SLC24A3: variants seen among roughly 807,000 people sequenced by gnomAD.
The protein encoded by SLC24A3 is solute carrier family 24 member 3.
SLC24A3 carries 28 observed loss-of-function variants against 75.8 expected under a neutral mutation model. That is an observed-to-expected ratio of 0.37 (90% confidence interval 0.27 to 0.51). SLC24A3 has a LOEUF of 0.51. SLC24A3 is among the 20% of genes least tolerant of loss of function. SLC24A3 has a pLI of 0.94. For missense variants in SLC24A3, 663 were observed against 847.8 expected (o/e 0.78, Z 2.71); for synonymous variants, 372 against 334.1 (o/e 1.11, Z -1.24).
intron 2 of SLC24A3, among the ~76,000 whole-genome samples, chr20:19,503,028 G>GAA (rs11476234): frequency 6.4e-5 from 7 of 109,596 alleles, no homozygotes; most frequent in African/African-American, 6.6e-5. Flanking sequence ...CCTTGTCTCA[G>GAA]AAAAAAAAAA....
chr20:19,277,686 C>T (rs1021984146), intron 1 of SLC24A3, among the ~76,000 whole-genome samples: 2 of 152,154 alleles, frequency 1.3e-5, no homozygotes, highest in Non-Finnish European at 2.9e-5. Context: ...AGAGGTGCTG[C>T]CTTAAGAGTC....
intron 2 of SLC24A3, among the ~76,000 whole-genome samples, chr20:19,484,503 A>G (rs1475629652): frequency 2.0e-5 from 3 of 152,218 alleles, no homozygotes; most frequent in Non-Finnish European, 2.9e-5. Context: ...AATATTACTC[A>G]GTCTTAAAAA....
intron 2 of SLC24A3, among the ~76,000 whole-genome samples, chr20:19,345,409 G>A (rs990281470): frequency 6.6e-6 from 1 of 152,128 alleles, no homozygotes; most frequent in African/African-American, 2.4e-5. Flanking sequence ...GATTTCTAAA[G>A]TTTATATTGA....
intron 15 of SLC24A3, among the ~76,000 whole-genome samples, chr20:19,712,749 A>G (rs1400971892): frequency 1.3e-5 from 2 of 152,250 alleles, no homozygotes; most frequent in South Asian, 2.1e-4. Context: ...AGTGGCCCAG[A>G]TGTCCATCAA....
rs200013281 is a variant in SLC24A3 at position 19,280,953 on chromosome 20, C to G, written c.143-6C>G. ...TGATGTGTGGTTATTGTCTTTGTCT[C>G]CCCAGAGCTTGACCTCATGGACCTC... On this transcript the variant is annotated splice_region_variant and splice_polypyrimidine_tract_variant and intron_variant, in intron 1 of 16. Coordinates refer to ENST00000328041, the MANE Select transcript of SLC24A3 (RefSeq NM_020689.4). 1 of 1,613,122 alleles carries G rather than the reference C, an allele frequency of 6.2e-7. No homozygotes were observed. Among genetic ancestry groups the G allele is most frequent in the Non-Finnish European group, 8.5e-7 (1 of 1,179,498 alleles).
intron 10 of SLC24A3, among the ~76,000 whole-genome samples, chr20:19,683,675 AAGTTCTTGG>A (rs2122741188): frequency 6.6e-6 from 1 of 152,344 alleles, no homozygotes; most frequent in Non-Finnish European, 1.5e-5. Context: ...ATAGGGTACA[AAGTTCTTGG>A]AGTCTTCTCT....
intron 1 of SLC24A3, among the ~76,000 whole-genome samples, chr20:19,238,242 G>A (rs547645379): frequency 2.4e-4 from 37 of 152,236 alleles, no homozygotes; most frequent in African/African-American, 5.3e-4. Flanking sequence ...TTCTTGTGCC[G>A]TTTGTCATCT....
chr20:19,489,090 T>C (rs187195161), intron 2 of SLC24A3, among the ~76,000 whole-genome samples: 1 of 152,312 alleles, frequency 6.6e-6, no homozygotes, highest in Non-Finnish European at 1.5e-5. Flanking sequence ...AAAGCCACCC[T>C]TGGAATTTCT....
intron 3 of SLC24A3, among the ~76,000 whole-genome samples, chr20:19,575,606 T>C (rs1381233046): frequency 6.6e-6 from 1 of 152,160 alleles, no homozygotes; most frequent in African/African-American, 2.4e-5. Context: ...TAAATGCCTA[T>C]CATTCATCGT....
At chr20:19,293,549 G>A (rs1254638852) in intron 2 of SLC24A3, among the ~76,000 whole-genome samples, 1 of 151,610 alleles carries the variant, frequency 6.6e-6, no homozygotes, top group Non-Finnish European at 1.5e-5. Context: ...CCAGCTACTT[G>A]GGAGGCTGAG....
chr20:19,676,148 A>T (rs555671289), intron 9 of SLC24A3, among the ~76,000 whole-genome samples: 10 of 152,356 alleles, frequency 6.6e-5, no homozygotes, highest in Admixed American at 2.0e-4. Context: ...ATGTGGCCAG[A>T]GAGAAGAAGA....
At chr20:19,309,478 G>A (rs935034749) in intron 2 of SLC24A3, among the ~76,000 whole-genome samples, 3 of 152,168 alleles carry the variant, frequency 2.0e-5, no homozygotes, top group African/African-American at 7.2e-5. Context: ...TGTTAGAAAT[G>A]TAGAATCTCA....
intron 1 of SLC24A3, among the ~76,000 whole-genome samples, chr20:19,251,101 A>G (rs1982641726): frequency 6.6e-6 from 1 of 152,188 alleles, no homozygotes; most frequent in Non-Finnish European, 1.5e-5. Context: ...TATGTATTCA[A>G]CCTGACTTTT....
intron 2 of SLC24A3, among the ~76,000 whole-genome samples, chr20:19,293,655 C>CAAAAA (rs760339037): frequency 1.7e-5 from 1 of 57,798 alleles, no homozygotes. Context: ...AACTTCGTCT[C>CAAAAA]AAAAAAAAAA....
At chr20:19,296,996 T>C (rs1984077382) in intron 2 of SLC24A3, among the ~76,000 whole-genome samples, 1 of 152,192 alleles carries the variant, frequency 6.6e-6, no homozygotes, top group African/African-American at 2.4e-5. Flanking sequence ...TGTATTTTCT[T>C]CTCCAGCATT....
chr20:19,562,572 T>C (rs965409645), intron 3 of SLC24A3, among the ~76,000 whole-genome samples: 1 of 152,236 alleles, frequency 6.6e-6, no homozygotes, highest in African/African-American at 2.4e-5. Flanking sequence ...ATTATTTTAA[T>C]GGGTTGTCAT....
At chr20:19,378,600 T>G (rs1346147363) in intron 2 of SLC24A3, among the ~76,000 whole-genome samples, 3 of 152,170 alleles carry the variant, frequency 2.0e-5, no homozygotes, top group Non-Finnish European at 2.9e-5. Context: ...GTGCTGCTGT[T>G]TTCTTCAGTA....
At chr20:19,460,524 G>C (rs549798394) in intron 2 of SLC24A3, among the ~76,000 whole-genome samples, 1 of 152,270 alleles carries the variant, frequency 6.6e-6, no homozygotes, top group Admixed American at 6.5e-5. Context: ...TCTTCTGCGT[G>C]CTTTGTGGTG....
chr20:19,666,841 T>C (rs761572137), intron 8 of SLC24A3, among the ~76,000 whole-genome samples: 6 of 152,230 alleles, frequency 3.9e-5, no homozygotes, highest in Non-Finnish European at 8.8e-5. Flanking sequence ...TTGGTCCAAC[T>C]GTTCAAATCC....
Sources: gnomAD v4.1 joint callset for allele counts (sites outside exome capture counted in the v4.1 genomes callset) on GRCh38, gnomAD v4.1.1 for gene constraint, MANE v1.5 for transcripts, NCBI Gene and HGNC (gene_info 2026-07-23, HGNC 2026-07-21) for gene names.